SLC3A1: variants seen among roughly 807,000 people sequenced by gnomAD.
The protein encoded by SLC3A1 is amino acid transporter heavy chain SLC3A1.
In SLC3A1, 78 loss-of-function variants were observed where a neutral mutation model predicts 60.3. The observed-to-expected ratio is 1.29, with a 90% CI of 1.08 to 1.56. SLC3A1 has a LOEUF of 1.56. Ranked by LOEUF, SLC3A1 falls within the 40% of genes most tolerant of loss-of-function variation. The pLI is 0.00. For synonymous variants in SLC3A1, 392 were observed against 307.9 expected (o/e 1.27, Z -2.86); for missense variants, 1,172 against 858.9 (o/e 1.36, Z -4.56).
intron 4 of SLC3A1, among the ~76,000 whole-genome samples, chr2:44,292,052 A>G (rs892233036): frequency 6.6e-6 from 1 of 152,146 alleles, no homozygotes; most frequent in Non-Finnish European, 1.5e-5. Context: ...GGTCCTCCAC[A>G]TTTCTTATTT....
At chr2:44,302,151 G>GT (rs1366369712) in intron 6 of SLC3A1, among the ~76,000 whole-genome samples, 1 of 152,180 alleles carries the variant, frequency 6.6e-6, no homozygotes, top group Non-Finnish European at 1.5e-5. Flanking sequence ...AAATCCATAT[G>GT]TTTCAGCTAA....
chr2:44,321,765 A>C, downstream of SLC3A1: 2 of 1,613,478 alleles, frequency 1.2e-6, no homozygotes, highest in Non-Finnish European at 1.7e-6. Flanking sequence ...ACCACTGAAA[A>C]TGTGAAAACA....
intron 9 of SLC3A1, chr2:44,314,592 C>CCA (rs3074477): frequency 0.62 from 96,582 of 155,022 alleles, 30,467 homozygotes; most frequent in Non-Finnish European, 0.68. Context: ...GCACCCTCTG[C>CCA]CACACACACA....
At chr2:44,280,919 A>G (rs1213001687) in intron 2 of SLC3A1, 24 bp downstream of exon 2, 47 of 1,604,170 alleles carry the variant, frequency 2.9e-5, no homozygotes, top group Non-Finnish European at 3.9e-5. Flanking sequence ...AAAGTGGGCA[A>G]GATGGGGATG....
intron 6 of SLC3A1, 75 bp downstream of exon 6, chr2:44,301,202 G>A (rs1311130564): frequency 1.3e-6 from 2 of 1,568,734 alleles, no homozygotes; most frequent in South Asian, 2.2e-5. Context: ...ACAACCAAGT[G>A]TATTTGGAGG....
At chr2:44,316,297 T>C (rs1009264503) in intron 9 of SLC3A1, 2 of 152,194 alleles carry the variant, frequency 1.3e-5, no homozygotes, top group African/African-American at 2.4e-5. Flanking sequence ...CCCCAGTAGA[T>C]TGCTGTTTAA....
intron 6 of SLC3A1, among the ~76,000 whole-genome samples, chr2:44,303,426 G>A (rs1204576405): frequency 1.3e-5 from 2 of 151,408 alleles, no homozygotes. Flanking sequence ...ATTTGGTAGA[G>A]ATGTTTCTCC....
chr2:44,307,201 A>G (rs749056551), intron 7 of SLC3A1, among the ~76,000 whole-genome samples: 2 of 152,244 alleles, frequency 1.3e-5, no homozygotes, highest in Non-Finnish European at 2.9e-5. Context: ...TTATGGCTGA[A>G]TAGTAACTTC....
intron 9 of SLC3A1, 143 bp downstream of exon 9, chr2:44,314,094 G>A (rs1672365650): frequency 1.3e-6 from 2 of 1,539,478 alleles, no homozygotes; most frequent in Non-Finnish European, 1.8e-6. Context: ...TTTTCCATTT[G>A]TAAGGAGTTT....
chr2:44,291,791 C>A (rs1401795235), intron 4 of SLC3A1, among the ~76,000 whole-genome samples: 1 of 152,076 alleles, frequency 6.6e-6, no homozygotes, highest in Non-Finnish European at 1.5e-5. Flanking sequence ...ACTTCCTCCC[C>A]GCTCCTATCA....
chr2:44,277,404 G>C (rs137984437), intron 1 of SLC3A1, among the ~76,000 whole-genome samples: 1 of 151,936 alleles, frequency 6.6e-6, no homozygotes, highest in Non-Finnish European at 1.5e-5. Context: ...CACCGCATCC[G>C]GCTGTATCAT....
At chr2:44,296,065 C>A (rs1671839825) in intron 4 of SLC3A1, among the ~76,000 whole-genome samples, 1 of 152,168 alleles carries the variant, frequency 6.6e-6, no homozygotes, top group Non-Finnish European at 1.5e-5. Flanking sequence ...GTTTGGTTAG[C>A]TTCATAGTAA....
rs781459763 is a variant in SLC3A1, at chr2:44,321,452, G to T, written c.*813G>T. 1.9e-6 allele frequency: 3 copies of T among 1,609,798 alleles called. No homozygotes were observed. Among genetic ancestry groups the T allele is most frequent in the Admixed American group, 1.7e-5 (1 of 59,816 alleles). On this transcript the variant is annotated 3_prime_UTR_variant, in exon 10 of 10. Transcript: ENST00000260649. ...ATTTAATTTGGGCTGTAATCTAAAAGAAACACATTAAAAAAATTAAATAGA... is the reference window on the plus strand; with the variant it reads ...ATTTAATTTGGGCTGTAATCTAAAATAAACACATTAAAAAAATTAAATAGA...
rs1211883408 is a variant in SLC3A1 at position 44,313,933 on chromosome 2, C to T, written c.1599C>T (p.Tyr533=). 1.2e-5 allele frequency: 19 copies of T among 1,613,918 alleles called. No homozygotes were observed. The highest frequency in any genetic ancestry group is 1.5e-5 in the Non-Finnish European group (18 of 1,179,968). The part of the protein sequence containing the change: ...SNTWLPTNSD[Y]HTVNVDVQKT... The stretch of plus-strand genomic sequence containing the variant: ...CCTGGTTACCTACCAATTCAGATTA[C>T]CACACTGTGAATGTTGATGTAAGTA... The change falls in exon 9 of 10, where the codon TAC becomes TAT. Residue 533 remains tyrosine (Y), a synonymous_variant. Coordinates refer to ENST00000260649, the MANE Select transcript of SLC3A1 (RefSeq NM_000341.4).
At chr2:44,322,010 A>G, downstream of SLC3A1, 1 of 1,150,234 alleles carries the variant, frequency 8.7e-7, no homozygotes, top group Non-Finnish European at 1.2e-6. Context: ...ATAATAGTAA[A>G]GGAATAAAAA....
chr2:44,320,172 T>G, intron 9 of SLC3A1, 27 bp from the exon 10 acceptor site: 2 of 1,552,354 alleles, frequency 1.3e-6, no homozygotes, highest in Non-Finnish European at 1.8e-6. Flanking sequence ...ATCAAACACT[T>G]ACGTAAATAC....
chr2:44,311,762 A>G (rs560389465), intron 7 of SLC3A1, among the ~76,000 whole-genome samples: 1 of 151,240 alleles, frequency 6.6e-6, no homozygotes, highest in East Asian at 1.9e-4. Context: ...CTTGAATTGT[A>G]GCAATTAAGT....
chr2:44,316,961 T>G (rs1672484370), intron 9 of SLC3A1, among the ~76,000 whole-genome samples: 1 of 152,268 alleles, frequency 6.6e-6, no homozygotes, highest in Admixed American at 6.5e-5. Context: ...TGATACACAA[T>G]GTAAAACAAG....
intron 1 of SLC3A1, among the ~76,000 whole-genome samples, chr2:44,278,719 C>A (rs1042246746): frequency 6.6e-6 from 1 of 152,098 alleles, no homozygotes; most frequent in Middle Eastern, 3.4e-3. Context: ...GCTCATTATC[C>A]TACAAAGTTC....
Sources: gnomAD v4.1 joint callset for allele counts (sites outside exome capture counted in the v4.1 genomes callset) on GRCh38, gnomAD v4.1.1 for gene constraint, MANE v1.5 for transcripts, NCBI Gene and HGNC (gene_info 2026-07-23, HGNC 2026-07-21) for gene names.